MTHFD2L: variants seen among roughly 807,000 people sequenced by gnomAD.
MTHFD2L encodes the protein bifunctional methylenetetrahydrofolate dehydrogenase/cyclohydrolase 2, mitochondrial.
Under a neutral mutation model 34.9 loss-of-function variants are expected in MTHFD2L, and 29 were observed. That is an observed-to-expected ratio of 0.83 (90% CI 0.62 to 1.13). The LOEUF (loss-of-function observed/expected upper bound fraction) is 1.13, where lower values mean the gene tolerates loss of function less well. Among genes scored for constraint, MTHFD2L ranks in the 50% most tolerant of loss-of-function variants. The pLI is 0.00. For synonymous variants in MTHFD2L, 167 were observed against 155.7 expected (o/e 1.07, Z -0.54); for missense variants, 481 against 446.5 (o/e 1.08, Z -0.70).
At chr4:74,168,387 A>G (rs997885474) in intron 1 of MTHFD2L, among the ~76,000 whole-genome samples, 45 of 152,180 alleles carry the variant, frequency 3.0e-4, no homozygotes, top group African/African-American at 1.1e-3. Flanking sequence ...TCTTCCAGAA[A>G]TCTACATGAC....
intron 2 of MTHFD2L, 150 bp from the exon 3 acceptor site, chr4:74,175,131 C>G (rs994133559): frequency 9.4e-5 from 78 of 827,088 alleles, no homozygotes; most frequent in Non-Finnish European, 1.3e-4. Context: ...AGAGGAAACA[C>G]CTGTACTATT....
chr4:74,117,516 G>C (rs1439022169), intron 2 of MTHFD2L, among the ~76,000 whole-genome samples: 1 of 152,158 alleles, frequency 6.6e-6, no homozygotes, highest in African/African-American at 2.4e-5. Flanking sequence ...GATCTTTCAG[G>C]AAGCGTTCAA....
At chr4:74,188,410 A>G (rs1731741435) in intron 3 of MTHFD2L, among the ~76,000 whole-genome samples, 1 of 152,194 alleles carries the variant, frequency 6.6e-6, no homozygotes, top group Non-Finnish European at 1.5e-5. Flanking sequence ...TTATAAGGAC[A>G]CTAAATCATA....
intron 6 of MTHFD2L, among the ~76,000 whole-genome samples, chr4:74,254,657 C>A (rs1049626500): frequency 1.3e-5 from 2 of 150,270 alleles, no homozygotes; most frequent in African/African-American, 2.4e-5. Flanking sequence ...AAATTGAGTT[C>A]TTCAAGTTGA....
chr4:74,135,974 T>C (rs981335709), intron 1 of MTHFD2L, among the ~76,000 whole-genome samples: 1 of 152,000 alleles, frequency 6.6e-6, no homozygotes, highest in African/African-American at 2.4e-5. Flanking sequence ...AGAAGAAACA[T>C]ACCTGAAAAT....
At chr4:74,268,282 G>A (rs530774938) in intron 6 of MTHFD2L, 2 of 979,734 alleles carry the variant, frequency 2.0e-6, no homozygotes, top group South Asian at 9.5e-5. Flanking sequence ...TTCTAATCTA[G>A]AAAGAAGCAT....
At chr4:74,241,085 T>A (rs1578584080) in intron 6 of MTHFD2L, among the ~76,000 whole-genome samples, 1 of 152,144 alleles carries the variant, frequency 6.6e-6, no homozygotes, top group East Asian at 1.9e-4. Flanking sequence ...AAAGAAGTCA[T>A]CTAGTTCTTA....
chr4:74,169,476 C>A (rs1259000651), intron 1 of MTHFD2L, among the ~76,000 whole-genome samples: 1 of 152,194 alleles, frequency 6.6e-6, no homozygotes, highest in Non-Finnish European at 1.5e-5. Flanking sequence ...TCACTACTCA[C>A]ATGCTATAAA....
chr4:74,131,421 A>G lies in MTHFD2L; in HGVS notation c.-297+5904A>G, dbSNP rs185925989. On this transcript the variant is annotated intron_variant, in intron 1 of 7. Transcript: ENST00000433372. ...AATGGAACAGAACATAGGCCTCAGAAATAACACCACTCATCTACAACCATC... is the reference window on the plus strand; with the variant it reads ...AATGGAACAGAACATAGGCCTCAGAGATAACACCACTCATCTACAACCATC... Among the ~76,000 whole-genome samples, 401 of 152,306 alleles carry G rather than the reference A, an allele frequency of 2.6e-3. 3 individuals carry two copies. The highest frequency in any genetic ancestry group is 9.1e-3 in the African/African-American group (379 of 41,572).
chr4:74,122,759 T>G (rs1296671578), upstream of MTHFD2L, among the ~76,000 whole-genome samples: 2 of 152,212 alleles, frequency 1.3e-5, no homozygotes, highest in African/African-American at 2.4e-5. Flanking sequence ...TATCCATCCA[T>G]TTATCCACCC....
chr4:74,175,337 G>T lies in MTHFD2L; in HGVS notation c.385G>T (p.Asp129Tyr), dbSNP rs556363222. Residue 129 changes from aspartate to tyrosine, a missense_variant, in exon 3 of 8, where the codon GAC becomes TAC. Asp to Tyr is a radical substitution (Grantham distance 160). Transcript: ENST00000325278. ...GGATGTTTCTCAGGAAGAACTTTTG[G>T]ACGTAACTGATCAATTGAATATGGA... Reference protein sequence around the residue: ...PKDVSQEELLDVTDQLNMDPR... With the variant: ...PKDVSQEELLYVTDQLNMDPR... 1 of 1,613,100 alleles carries T rather than the reference G, an allele frequency of 6.2e-7. No individual in the cohort carries two copies. Among genetic ancestry groups the T allele is most frequent in the African/African-American group, 1.3e-5 (1 of 74,928 alleles).
At chr4:74,169,843 A>C (rs1480914312) in intron 1 of MTHFD2L, among the ~76,000 whole-genome samples, 1 of 152,230 alleles carries the variant, frequency 6.6e-6, no homozygotes, top group Non-Finnish European at 1.5e-5. Flanking sequence ...TAAAAACCTC[A>C]AAAGTTTTAT....
At chr4:74,235,560 A>T (rs577595283) in intron 6 of MTHFD2L, among the ~76,000 whole-genome samples, 16 of 152,236 alleles carry the variant, frequency 1.1e-4, no homozygotes, top group African/African-American at 3.8e-4. Flanking sequence ...TTCTGGAGTG[A>T]TAATTTTGGA....
intron 1 of MTHFD2L, among the ~76,000 whole-genome samples, chr4:74,127,541 A>C (rs2109792775): frequency 6.6e-6 from 1 of 152,198 alleles, no homozygotes; most frequent in African/African-American, 2.4e-5. Flanking sequence ...TAACATAATG[A>C]CCTCCAGTTC....
intron 4 of MTHFD2L, 27 bp from the exon 5 acceptor site, chr4:74,201,236 C>T: frequency 6.5e-7 from 1 of 1,547,944 alleles, no homozygotes; most frequent in Non-Finnish European, 8.9e-7. Flanking sequence ...GTCAATTCTG[C>T]ATTTAAACCG....
upstream of MTHFD2L, among the ~76,000 whole-genome samples, chr4:74,120,292 G>A (rs995016360): frequency 4.6e-5 from 7 of 152,192 alleles, no homozygotes; most frequent in East Asian, 1.9e-4. Context: ...ATGAGCCACC[G>A]CAGTACATGA....
At chr4:74,125,370 A>T (rs1310347569), upstream of MTHFD2L, 1 of 152,156 alleles carries the variant, frequency 6.6e-6, no homozygotes, top group Non-Finnish European at 1.5e-5. Context: ...AATGACCATG[A>T]TTTCCAACTG....
chr4:74,178,636 A>T (rs905283359), intron 3 of MTHFD2L, among the ~76,000 whole-genome samples: 2 of 152,000 alleles, frequency 1.3e-5, no homozygotes, highest in African/African-American at 4.8e-5. Context: ...AAAAATCTGG[A>T]TGTTCTGAGA....
chr4:74,229,841 A>G (rs1037174743), intron 6 of MTHFD2L, among the ~76,000 whole-genome samples: 2 of 152,200 alleles, frequency 1.3e-5, no homozygotes, highest in African/African-American at 4.8e-5. Flanking sequence ...CTGAGTTCAC[A>G]GAGAGAGTTA....
Sources: allele counts gnomAD v4.1 joint callset (sites outside exome capture counted in the v4.1 genomes callset), GRCh38; gene constraint gnomAD v4.1.1; transcripts MANE v1.5; gene names NCBI Gene and HGNC (gene_info 2026-07-23, HGNC 2026-07-21).